The following MEI1 variants were observed in gnomAD, a reference collection of about 807,000 sequenced individuals.
The protein encoded by MEI1 is meiosis inhibitor protein 1.
In MEI1, 103 loss-of-function variants were observed where a neutral mutation model predicts 146.2. The ratio of observed to expected loss-of-function variants is 0.70; its 90% CI spans 0.60 to 0.83. MEI1 has a LOEUF of 0.83. Ranked by LOEUF, MEI1 falls within the 40% of genes least tolerant of loss-of-function variation. The pLI, the probability that MEI1 is intolerant of heterozygous loss-of-function variation, is 0.00. For synonymous variants in MEI1, 652 were observed against 628.2 expected, an observed-to-expected ratio of 1.04 and a Z score of -0.57; for missense variants, 1,529 against 1,533.0, an observed-to-expected ratio of 1.00 and a Z score of 0.04.
At chr22:41,772,078 A>T (rs993352476) in intron 20 of MEI1, among the ~76,000 whole-genome samples, 4 of 152,154 alleles carry the variant, frequency 2.6e-5, no homozygotes, top group African/African-American at 7.2e-5. Context: ...GGTCTAGCCT[A>T]CTACACACCT....
At chr22:41,714,951 C>T (rs960601055) in intron 4 of MEI1, among the ~76,000 whole-genome samples, 13 of 151,844 alleles carry the variant, frequency 8.6e-5, no homozygotes, top group African/African-American at 2.9e-4. Context: ...ATCAGAATAA[C>T]TTTTTATTTA....
chr22:41,745,055 G>A lies in MEI1; in HGVS notation c.1529G>A (p.Ser510Asn). ...FLLSTLEGFR[S>N]ACRLAIEFQS... Reference sequence around the variant, plus strand: ...CTCAGCACTCTGGAGGGATTTAGAAGTGCCTGCAGGTGAGGGGCCCTCTGA... The same window carrying A: ...CTCAGCACTCTGGAGGGATTTAGAAATGCCTGCAGGTGAGGGGCCCTCTGA... Residue 510 changes from serine to asparagine, a missense_variant, in exon 13 of 31, where the codon AGT (serine) becomes AAT (asparagine). Physicochemically the swap from Ser to Asn is conservative, Grantham distance 46 (BLOSUM62 1). Coordinates refer to ENST00000401548, the MANE Select transcript of MEI1 (RefSeq NM_152513.4). The A allele has an allele frequency of 2.6e-6, 4 of 1,547,832 alleles. No individual in the cohort carries two copies. The highest frequency in any genetic ancestry group is 3.5e-6 in the Non-Finnish European group (4 of 1,145,524).
At chr22:41,767,743 C>A in intron 19 of MEI1, 1 of 396,612 alleles carries the variant, frequency 2.5e-6, no homozygotes. Context: ...ATGAATCAAA[C>A]AAGTTCCTTG....
chr22:41,726,778 CT>C (rs1250903457), intron 7 of MEI1, among the ~76,000 whole-genome samples: 254 of 144,076 alleles, frequency 1.8e-3, no homozygotes, highest in Middle Eastern at 3.5e-3. Context: ...AGATTAATTT[CT>C]TTTTTTTTTT....
At chr22:41,796,251 G>A (rs1244622819) in intron 30 of MEI1, among the ~76,000 whole-genome samples, 4 of 151,900 alleles carry the variant, frequency 2.6e-5, no homozygotes, top group African/African-American at 2.4e-5. Context: ...GCAGTGGCAC[G>A]ATCTTGGCTC....
chr22:41,775,750 C>A (rs1415931778), intron 20 of MEI1, among the ~76,000 whole-genome samples: 1 of 152,006 alleles, frequency 6.6e-6, no homozygotes, highest in East Asian at 1.9e-4. Context: ...CTTGCCACCA[C>A]GCCCAGCTAA....
At chr22:41,776,063 A>G in intron 20 of MEI1, 39 bp from the exon 21 acceptor site, 1 of 1,603,204 alleles carries the variant, frequency 6.2e-7, no homozygotes, top group Non-Finnish European at 8.5e-7. Flanking sequence ...CCCCAACTGC[A>G]GTACCCTCTG....
chr22:41,716,355 C>CTTTTTTTTTTTTTTTTTTT (rs6147630), intron 5 of MEI1, among the ~76,000 whole-genome samples: 2 of 118,580 alleles, frequency 1.7e-5, no homozygotes, highest in Non-Finnish European at 3.4e-5. Context: ...TCCATTCATT[C>CTTTTTTTTTTTTTTTTTTT]TTTTTTTTTT....
intron 11 of MEI1, among the ~76,000 whole-genome samples, chr22:41,734,588 C>T (rs1190707259): frequency 1.3e-5 from 2 of 152,166 alleles, no homozygotes; most frequent in African/African-American, 4.8e-5. Context: ...AGTGAGACTC[C>T]ATCTCAAAAA....
intron 16 of MEI1, chr22:41,753,736 C>A (rs1048645940): frequency 4.0e-5 from 18 of 449,108 alleles, no homozygotes; most frequent in Non-Finnish European, 6.6e-5. Flanking sequence ...GCCTCAGCCT[C>A]CCAAAGTGCT....
rs2075133312 is a variant in MEI1, at chr22:41,770,781, G to A, written c.2364G>A (p.Leu788=). 6.2e-7 allele frequency: 1 copy of A among 1,613,938 alleles called. No individual in the cohort carries two copies. The highest frequency in any genetic ancestry group is 8.5e-7 in the Non-Finnish European group (1 of 1,179,878). The change falls in exon 20 of 31, where the codon TTG becomes TTA. Residue 788 remains leucine (L), a synonymous_variant. Transcript: ENST00000401548. ...HHPLLLRFFL[L]YPELMSRYGH... ...CGCTCCTGCTCAGGTTCTTTCTGTT[G>A]TATCCAGAGCTCATGAGTAGGTATG... is the stretch of plus-strand genomic sequence containing the variant.
In MEI1 at chr22:41,720,200, G is replaced by A. The variant is rs79486344; in HGVS notation, c.733+1926G>A. Among the ~76,000 whole-genome samples, 7 of 152,078 alleles carry A rather than the reference G, an allele frequency of 4.6e-5. No individual in the cohort carries two copies. In the East Asian group the frequency reaches 5.8e-4, roughly 13 times the overall value. On this transcript the variant is annotated intron_variant, in intron 6 of 30. Transcript: ENST00000401548. Reference sequence around the variant, plus strand: ...GATGCCTGGACTGAGTCCTAAATTGGGGGGGAGAGGAGGAAGGCAGAAACA... The same window carrying A: ...GATGCCTGGACTGAGTCCTAAATTGAGGGGGAGAGGAGGAAGGCAGAAACA...
chr22:41,738,718 G>A (rs2072597560), intron 11 of MEI1, among the ~76,000 whole-genome samples: 1 of 151,608 alleles, frequency 6.6e-6, no homozygotes, highest in South Asian at 2.1e-4. Flanking sequence ...GTTGCAGTAA[G>A]CCAAGATCAC....
chr22:41,767,749 C>G (rs1438117734), intron 19 of MEI1: 5 of 390,268 alleles, frequency 1.3e-5, no homozygotes, highest in Non-Finnish European at 5.4e-6. Context: ...CAAACAAGTT[C>G]CTTGCCCTCA....
intron 26 of MEI1, among the ~76,000 whole-genome samples, chr22:41,790,181 C>G (rs1458210731): frequency 2.6e-5 from 4 of 152,112 alleles, no homozygotes; most frequent in African/African-American, 9.7e-5. Context: ...CTTCCAGTTG[C>G]AAGAGATTCT....
chr22:41,726,397 TA>T (rs1212196891), intron 7 of MEI1, among the ~76,000 whole-genome samples: 3 of 152,172 alleles, frequency 2.0e-5, no homozygotes, highest in Non-Finnish European at 4.4e-5. Context: ...AGCAGTAACT[TA>T]AAAGCAGTTA....
At chr22:41,765,883 CTTTTTTTTTTTTTTTT>C (rs1013045266) in intron 19 of MEI1, among the ~76,000 whole-genome samples, 1 of 86,134 alleles carries the variant, frequency 1.2e-5, no homozygotes, top group South Asian at 3.8e-4. Context: ...CCAAAATGTT[CTTTTTTTTTTTTTTTT>C]TTTTTTTTTA....
At chr22:41,773,902 G>A (rs932439702) in intron 20 of MEI1, among the ~76,000 whole-genome samples, 8 of 152,040 alleles carry the variant, frequency 5.3e-5, no homozygotes, top group South Asian at 2.1e-4. Flanking sequence ...CAAAAGAACA[G>A]CAAGGAACAA....
At chr22:41,788,134 A>AT (rs1385089176) in intron 26 of MEI1, among the ~76,000 whole-genome samples, 4 of 151,118 alleles carry the variant, frequency 2.6e-5, no homozygotes, top group Non-Finnish European at 1.5e-5. Context: ...GAGTTAAGTG[A>AT]TTCTCCTGCC....
Sources: allele counts gnomAD v4.1 joint callset (sites outside exome capture counted in the v4.1 genomes callset), GRCh38; gene constraint gnomAD v4.1.1; transcripts MANE v1.5; gene names NCBI Gene and HGNC (gene_info 2026-07-23, HGNC 2026-07-21).